GALNT9: variants seen among roughly 807,000 people sequenced by gnomAD.
The protein encoded by GALNT9 is GalNAc transferase 9.
GALNT9 carries 47 observed loss-of-function variants against 63.1 expected under a neutral mutation model. That is an observed-to-expected ratio of 0.75 (90% confidence interval 0.59 to 0.95). GALNT9 has a LOEUF of 0.95. Among genes scored for constraint, GALNT9 ranks in the 40% least tolerant of loss-of-function variants. GALNT9 has a pLI of 0.00. For missense variants in GALNT9, 829 were observed against 874.8 expected (o/e 0.95, Z 0.66); for synonymous variants, 396 against 365.7 (o/e 1.08, Z -0.94).
In GALNT9 at chr12:132,319,753, G is replaced by A. The variant is rs564602167; in HGVS notation, c.238+9213C>T. 8.5e-5 allele frequency among the ~76,000 whole-genome samples: 13 copies of A among 152,226 alleles called. No individual in the cohort carries two copies. The highest frequency in any genetic ancestry group is 2.1e-4 in the South Asian group (1 of 4,820). On this transcript the variant is annotated intron_variant, in intron 1 of 10. Coordinates refer to ENST00000328957, the MANE Select transcript of GALNT9 (RefSeq NM_001122636.2). The surrounding 1 kb of genome is among the most constrained non-coding windows in gnomAD (Gnocchi z 5.2). ...GCCACAGGTCACCTCAGGTCGCCTC[G>A]GGTGCTCCTCCCGCAGCCCCACGTA...
chr12:132,203,252 G>C (rs1021410904), intron 7 of GALNT9, among the ~76,000 whole-genome samples: 1 of 152,170 alleles, frequency 6.6e-6, no homozygotes, highest in Non-Finnish European at 1.5e-5. Context: ...GCTCTAGGCT[G>C]AGAGGAAAAA....
At chr12:132,258,133 G>A (rs1357620905) in intron 4 of GALNT9, among the ~76,000 whole-genome samples, 3 of 152,186 alleles carry the variant, frequency 2.0e-5, no homozygotes, top group East Asian at 1.9e-4. Flanking sequence ...CCTGGGGGAC[G>A]CTGACACCGG....
At chr12:132,263,127 G>A (rs976840132) in intron 2 of GALNT9, among the ~76,000 whole-genome samples, 3 of 152,134 alleles carry the variant, frequency 2.0e-5, no homozygotes, top group South Asian at 2.1e-4. Context: ...GGGCACAGCC[G>A]AGGAGCTGGG....
At position 132,200,919 on chromosome 12, in the gene GALNT9, G is replaced by A. The variant is rs147760803; in HGVS notation, c.1401+205C>T. The stretch of plus-strand genomic sequence containing the variant: ...GTGAACCTGCACCTTGTGTGTGCAC[G>A]TGGATGTGCCTGCATCACCGTGAAT... On this transcript the variant is annotated intron_variant, in intron 8 of 10. Coordinates refer to ENST00000328957, the MANE Select transcript of GALNT9 (RefSeq NM_001122636.2). The A allele has an allele frequency of 4.9e-4, 279 of 574,004 alleles. 3 individuals are homozygous for A. The East Asian group carries it at 7.6e-3, about 16-fold the overall frequency. The allele number at this position is 574,004 out of a possible 1,614,324, so 35.6% of individuals were successfully genotyped here.
intron 6 of GALNT9, among the ~76,000 whole-genome samples, chr12:132,206,875 G>A (rs1364573822): frequency 6.6e-6 from 1 of 152,092 alleles, no homozygotes; most frequent in Non-Finnish European, 1.5e-5. Context: ...AGCGAGCCTG[G>A]GCAACATAGT....
chr12:132,261,784 C>T (rs1879397744), intron 3 of GALNT9, among the ~76,000 whole-genome samples: 1 of 152,238 alleles, frequency 6.6e-6, no homozygotes, highest in African/African-American at 2.4e-5. Context: ...AGGCTCTCTG[C>T]TCTGCGCCTG....
intron 6 of GALNT9, among the ~76,000 whole-genome samples, chr12:132,227,824 G>A (rs963761698): frequency 2.6e-5 from 4 of 152,080 alleles, no homozygotes; most frequent in Admixed American, 6.5e-5. Context: ...ACGTGGAGGG[G>A]TCTTCTGAAG....
chr12:132,251,432 G>A (rs1038957494), intron 5 of GALNT9, among the ~76,000 whole-genome samples: 7 of 152,188 alleles, frequency 4.6e-5, no homozygotes, highest in East Asian at 1.9e-4. Flanking sequence ...TCCGCTTTCC[G>A]GGGAGGGGAG....
intron 1 of GALNT9, among the ~76,000 whole-genome samples, chr12:132,290,364 C>T (rs146163392): frequency 3.9e-5 from 6 of 152,154 alleles, no homozygotes; most frequent in South Asian, 2.1e-4. Context: ...CCCACCCCTG[C>T]GGCACCATGG....
intron 2 of GALNT9, among the ~76,000 whole-genome samples, chr12:132,267,940 C>T (rs559612285): frequency 1.2e-4 from 18 of 150,022 alleles, no homozygotes; most frequent in East Asian, 5.9e-4. Context: ...CACACACACA[C>T]GCACTCACAT....
In GALNT9 at chr12:132,197,165, T is replaced by C. The variant is rs376163261; in HGVS notation, c.1754A>G (p.Gln585Arg). The change falls in exon 11 of 11, where the codon CAG becomes CGG. Residue 585 changes from glutamine to arginine, a missense_variant. Coordinates refer to ENST00000328957, the MANE Select transcript of GALNT9 (RefSeq NM_001122636.2). ...CATCCACTTCTGCCCCGAGCACCTCTGTACCACCAGCCGGAGCCCAAAGTT... is the reference window on the plus strand; with the variant it reads ...CATCCACTTCTGCCCCGAGCACCTCCGTACCACCAGCCGGAGCCCAAAGTT... The part of the protein sequence containing the change: ...DANFGLRLVV[Q>R]RCSGQKWMIR... 6.2e-7 allele frequency: 1 copy of C among 1,614,052 alleles called. No homozygotes were observed. Among genetic ancestry groups the C allele is most frequent in the Admixed American group, 1.7e-5 (1 of 60,004 alleles).
At chr12:132,208,693 T>C (rs1171439998) in intron 6 of GALNT9, among the ~76,000 whole-genome samples, 1 of 152,150 alleles carries the variant, frequency 6.6e-6, no homozygotes, top group Non-Finnish European at 1.5e-5. Context: ...CAAGGCCAGC[T>C]GAGAGCAGAG....
At chr12:132,301,484 G>A (rs1171880914) in intron 1 of GALNT9, among the ~76,000 whole-genome samples, 1 of 152,260 alleles carries the variant, frequency 6.6e-6, no homozygotes, top group Non-Finnish European at 1.5e-5. Context: ...CCCCTCCGGG[G>A]CACATAAAGG....
At position 132,296,863 on chromosome 12, in the gene GALNT9, T is replaced by C. The variant is rs1291720739; in HGVS notation, c.239-10433A>G. On this transcript the variant is annotated intron_variant, in intron 1 of 10. Transcript: ENST00000328957. This position sits in a 1 kb window ranked among gnomAD's most constrained non-coding sequence, Gnocchi z 4.2. The stretch of plus-strand genomic sequence containing the variant: ...CTGGGCGGGGGGAGGGTGGAACTCT[T>C]CCTTCCATCAGGAGCCCACTCCCAC... Among the ~76,000 whole-genome samples, 1 of 151,956 alleles carries C rather than the reference T, an allele frequency of 6.6e-6. No individual in the cohort carries two copies. The highest frequency in any genetic ancestry group is 1.5e-5 in the Non-Finnish European group (1 of 67,976).
intron 1 of GALNT9, among the ~76,000 whole-genome samples, chr12:132,302,229 T>TTCACACACACACACACAC (rs1881322468): frequency 7.0e-6 from 1 of 143,722 alleles, no homozygotes; most frequent in Non-Finnish European, 1.5e-5. Flanking sequence ...TAGAAAATTC[T>TTCACACACACACACACAC]ACACACACAC....
chr12:132,297,785 CAATAACCAACTCACTCTCAT>C (rs1379960102), intron 1 of GALNT9, among the ~76,000 whole-genome samples: 3 of 151,262 alleles, frequency 2.0e-5, no homozygotes, highest in Admixed American at 1.3e-4. Flanking sequence ...ACCGATCCCA[CAATAACCAACTCACTCTCAT>C]AATAACCAAC....
intron 1 of GALNT9, among the ~76,000 whole-genome samples, chr12:132,309,694 C>T (rs1472232354): frequency 2.0e-5 from 3 of 152,238 alleles, no homozygotes; most frequent in Non-Finnish European, 4.4e-5. Context: ...CTGCCCCTGC[C>T]GGCACCGTGA....
chr12:132,204,756 T>G (rs986937827), intron 6 of GALNT9, among the ~76,000 whole-genome samples: 1 of 151,890 alleles, frequency 6.6e-6, no homozygotes, highest in African/African-American at 2.4e-5. Flanking sequence ...TCCTGTGCTG[T>G]CCCATCCCAT....
rs1273150386 is a variant in GALNT9 at position 132,199,273 on chromosome 12, C to T, written c.1402-4G>A. The T allele has an allele frequency of 3.1e-6, 5 of 1,595,372 alleles. No individual in the cohort carries two copies. The highest frequency in any genetic ancestry group is 1.1e-5 in the South Asian group (1 of 90,876). On this transcript the variant is annotated splice_region_variant and splice_polypyrimidine_tract_variant and intron_variant, in intron 8 of 10. Transcript: ENST00000328957. ...CACTGGCTTTGCTGTTTCTCACCTG[C>T]AAGCAGAAGCCCCAGGAGAAAGTCC...
Sources: allele counts gnomAD v4.1 joint callset (sites outside exome capture counted in the v4.1 genomes callset), GRCh38; gene constraint gnomAD v4.1.1; non-coding constraint Gnocchi (gnomAD v3.1); transcripts MANE v1.5; gene names NCBI Gene and HGNC (gene_info 2026-07-23, HGNC 2026-07-21).